The following SUGCT variants were observed in gnomAD, a reference collection of about 807,000 sequenced individuals.
The protein encoded by SUGCT is succinyl-CoA:glutarate-CoA transferase.
Under a neutral mutation model 55.0 loss-of-function variants are expected in SUGCT, and 41 were observed. That is an observed-to-expected ratio of 0.74 (90% CI 0.58 to 0.97). SUGCT has a LOEUF of 0.97. Ranked by LOEUF, SUGCT falls within the 50% of genes least tolerant of loss-of-function variation. The pLI is 0.00. For synonymous variants in SUGCT, 187 were observed against 200.4 expected, an observed-to-expected ratio of 0.93 and a Z score of 0.56; for missense variants, 568 against 547.8, an observed-to-expected ratio of 1.04 and a Z score of -0.37.
At chr7:40,314,570 T>TTTTTTC (rs2151104974) in intron 8 of SUGCT, among the ~76,000 whole-genome samples, 1 of 146,886 alleles carries the variant, frequency 6.8e-6, no homozygotes, top group East Asian at 2.0e-4. Context: ...TTTTTTTTTT[T>TTTTTTC]TTTTTTTTTT....
At chr7:40,186,625 A>G (rs1257455981) in intron 3 of SUGCT, among the ~76,000 whole-genome samples, 1 of 152,152 alleles carries the variant, frequency 6.6e-6, no homozygotes, top group Non-Finnish European at 1.5e-5. Flanking sequence ...AGAGCATATT[A>G]TATTTATGTA....
rs183377153 is a variant in SUGCT, at chr7:40,601,581, G to T, written c.1089+105195G>T. On this transcript the variant is annotated intron_variant, in intron 12 of 13. Coordinates refer to ENST00000335693, the MANE Select transcript of SUGCT (RefSeq NM_001193313.2). The stretch of plus-strand genomic sequence containing the variant: ...ATGTGGAGTATCACAGGAACCTTAC[G>T]CTTTGTCTTCTAGTATTTGACAACA... 7.9e-5 allele frequency among the ~76,000 whole-genome samples: 12 copies of T among 152,230 alleles called. No homozygotes were observed. The East Asian group carries it at 2.1e-3, about 27-fold the overall frequency.
intron 12 of SUGCT, among the ~76,000 whole-genome samples, chr7:40,681,554 GC>G (rs1318113932): frequency 2.6e-5 from 4 of 152,312 alleles, no homozygotes; most frequent in African/African-American, 9.6e-5. Flanking sequence ...TCTAAGCAAG[GC>G]AAATCAGGGC....
At chr7:40,245,404 C>CACATATATATATATATAT (rs1252155153) in intron 7 of SUGCT, among the ~76,000 whole-genome samples, 44 of 53,318 alleles carry the variant, frequency 8.3e-4, no homozygotes, top group African/African-American at 4.0e-3. Context: ...ACGTAGTAGA[C>CACATATATATATATATAT]ATATATATAT....
chr7:40,251,157 A>G (rs895036482), intron 7 of SUGCT, among the ~76,000 whole-genome samples: 4 of 151,874 alleles, frequency 2.6e-5, no homozygotes, highest in Admixed American at 6.6e-5. Flanking sequence ...ACTATTACCT[A>G]CATGTTCCAT....
At chr7:40,784,584 C>A (rs571801745) in intron 13 of SUGCT, among the ~76,000 whole-genome samples, 1 of 152,226 alleles carries the variant, frequency 6.6e-6, no homozygotes, top group South Asian at 2.1e-4. Context: ...GATCCCTTTC[C>A]AGTTCATCTT....
intron 1 of SUGCT, among the ~76,000 whole-genome samples, chr7:40,155,182 G>A (rs1783824435): frequency 6.6e-6 from 1 of 152,004 alleles, no homozygotes; most frequent in Non-Finnish European, 1.5e-5. Context: ...CTACTTGGGA[G>A]GCTGAGACAG....
At chr7:40,498,857 A>T (rs1367217421) in intron 12 of SUGCT, among the ~76,000 whole-genome samples, 1 of 152,120 alleles carries the variant, frequency 6.6e-6, no homozygotes, top group Non-Finnish European at 1.5e-5. Context: ...GGGGATGGGG[A>T]TCATTAAGTT....
At chr7:40,336,196 G>A (rs1475238794) in intron 9 of SUGCT, among the ~76,000 whole-genome samples, 1 of 152,134 alleles carries the variant, frequency 6.6e-6, no homozygotes, top group Non-Finnish European at 1.5e-5. Flanking sequence ...CAGGGATATT[G>A]GTCTAAGATT....
At chr7:40,285,539 C>T (rs112218921) in intron 8 of SUGCT, among the ~76,000 whole-genome samples, 19 of 150,490 alleles carry the variant, frequency 1.3e-4, no homozygotes, top group Admixed American at 9.9e-4. Context: ...GCCATCGTGT[C>T]CTTGTGTATT....
intron 12 of SUGCT, among the ~76,000 whole-genome samples, chr7:40,595,022 T>A (rs1304348426): frequency 1.3e-5 from 2 of 152,098 alleles, no homozygotes; most frequent in Non-Finnish European, 1.5e-5. Context: ...GCCCTGAATA[T>A]GAAAAAAGAG....
At chr7:40,612,049 C>A (rs140265320) in intron 12 of SUGCT, among the ~76,000 whole-genome samples, 101 of 149,550 alleles carry the variant, frequency 6.8e-4, no homozygotes, top group Non-Finnish European at 1.2e-3. Flanking sequence ...TTAGTAACAA[C>A]ATTCTTAAAT....
chr7:40,842,658 G>C (rs1330137637), intron 13 of SUGCT, among the ~76,000 whole-genome samples: 2 of 152,190 alleles, frequency 1.3e-5, no homozygotes, highest in Non-Finnish European at 2.9e-5. Flanking sequence ...AAAGAAAACA[G>C]ATAAGATTCC....
At chr7:40,722,370 A>T (rs1178160935) in intron 12 of SUGCT, among the ~76,000 whole-genome samples, 1 of 152,242 alleles carries the variant, frequency 6.6e-6, no homozygotes. Flanking sequence ...CATAATAAAT[A>T]CACATATAAT....
At chr7:40,416,844 T>A (rs1265475544) in intron 9 of SUGCT, among the ~76,000 whole-genome samples, 1 of 152,028 alleles carries the variant, frequency 6.6e-6, no homozygotes, top group Non-Finnish European at 1.5e-5. Flanking sequence ...AAATTATGCA[T>A]CTTTCAAAAG....
intron 12 of SUGCT, among the ~76,000 whole-genome samples, chr7:40,568,096 G>A (rs1274806400): frequency 6.6e-6 from 1 of 152,168 alleles, no homozygotes; most frequent in Non-Finnish European, 1.5e-5. Context: ...GAAAGGATAA[G>A]TGGTAGAGGC....
rs369960004 is a variant in SUGCT, at chr7:40,390,535, G to A, written c.817-58752G>A. Among the ~76,000 whole-genome samples the A allele has an allele frequency of 2.1e-3, 317 of 152,202 alleles. 12 individuals carry two copies. In the South Asian group the frequency reaches 0.059, roughly 28 times the overall value. On this transcript the variant is annotated intron_variant, in intron 9 of 13. Transcript: ENST00000335693. Reference sequence around the variant, plus strand: ...AATCGTGAGTGAACTCCCATTCACAGTTGCTTCAAAGAGAATAAAATACCT... The same window carrying A: ...AATCGTGAGTGAACTCCCATTCACAATTGCTTCAAAGAGAATAAAATACCT...
intron 12 of SUGCT, among the ~76,000 whole-genome samples, chr7:40,663,826 C>A (rs1047016340): frequency 1.3e-5 from 2 of 152,158 alleles, no homozygotes; most frequent in African/African-American, 4.8e-5. Context: ...ATTAGAAATG[C>A]AAATTCTTGA....
At chr7:40,238,298 AT>A (rs1384258600) in intron 7 of SUGCT, among the ~76,000 whole-genome samples, 6 of 152,090 alleles carry the variant, frequency 3.9e-5, no homozygotes, top group Non-Finnish European at 1.5e-5. Flanking sequence ...TAATTATTTG[AT>A]TTTATAATAA....
Sources: allele counts gnomAD v4.1 joint callset (sites outside exome capture counted in the v4.1 genomes callset), GRCh38; gene constraint gnomAD v4.1.1; transcripts MANE v1.5; gene names NCBI Gene and HGNC (gene_info 2026-07-23, HGNC 2026-07-21).